The following DNAH6 variants were observed in gnomAD, a reference collection of about 807,000 sequenced individuals.
DNAH6 encodes the protein axonemal beta dynein heavy chain 6.
A neutral mutation model predicts 491.4 loss-of-function variants in DNAH6; 340 were observed. That is an observed-to-expected ratio of 0.69 (90% CI 0.63 to 0.76). DNAH6 has a LOEUF of 0.76. Among genes scored for constraint, DNAH6 ranks in the 30% least tolerant of loss-of-function variants. The pLI, the probability that DNAH6 is intolerant of heterozygous loss-of-function variation, is 0.00. For synonymous variants in DNAH6, 1,603 were observed against 1,686.1 expected (o/e 0.95, Z 1.21); for missense variants, 4,443 against 4,972.2 (o/e 0.89, Z 3.20).
intron 64 of DNAH6, 82 bp downstream of exon 64, chr2:84,763,027 G>A: frequency 9.8e-7 from 1 of 1,016,046 alleles, no homozygotes. Context: ...TCTTCCCCTT[G>A]TAGAGCATAA....
intron 20 of DNAH6, among the ~76,000 whole-genome samples, chr2:84,605,865 G>C (rs551001027): frequency 6.6e-6 from 1 of 152,134 alleles, no homozygotes; most frequent in African/African-American, 2.4e-5. Flanking sequence ...AACAGTTACA[G>C]CTGAAGTGAT....
At chr2:84,477,453 G>A in the DNAH6 span, among the ~76,000 whole-genome samples, 1 of 152,068 alleles carries the variant, frequency 6.6e-6, no homozygotes, top group Non-Finnish European at 1.5e-5. Flanking sequence ...CGTTTCTCTG[G>A]TTCACATGCC....
intron 16 of DNAH6, 75 bp from the exon 17 acceptor site, chr2:84,593,897 T>A: frequency 1.3e-6 from 1 of 766,132 alleles, no homozygotes; most frequent in Non-Finnish European, 2.1e-6. Context: ...TACCAAGAAT[T>A]ACTAATAGGA....
chr2:84,545,475 T>C (rs2104529272), intron 5 of DNAH6, among the ~76,000 whole-genome samples: 1 of 152,288 alleles, frequency 6.6e-6, no homozygotes, highest in East Asian at 1.9e-4. Context: ...ATCATACATT[T>C]GTTGCTAGGT....
At chr2:84,577,472 C>G in intron 13 of DNAH6, 64 bp downstream of exon 13, 1 of 1,168,148 alleles carries the variant, frequency 8.6e-7, no homozygotes, top group South Asian at 1.9e-5. Context: ...TTTTCTACTG[C>G]ACAAAAACCT....
In DNAH6 at chr2:84,624,402, A is replaced by G. The variant is rs1687664527; in HGVS notation, c.4197+12A>G. 1.9e-6 allele frequency: 3 copies of G among 1,549,848 alleles called. No individual in the cohort carries two copies. Among genetic ancestry groups the G allele is most frequent in the Non-Finnish European group, 2.6e-6 (3 of 1,146,316 alleles). On this transcript the variant is annotated intron_variant, in intron 27 of 76. Transcript: ENST00000389394. ...TTGTTCAATCCAAGGTAACTGTTTCATTTAAGTAAAATTATATACTTCTTT... is the reference window on the plus strand; with the variant it reads ...TTGTTCAATCCAAGGTAACTGTTTCGTTTAAGTAAAATTATATACTTCTTT...
intron 36 of DNAH6, 74 bp downstream of exon 36, chr2:84,658,548 C>T (rs1691195128): frequency 9.5e-7 from 1 of 1,054,786 alleles, no homozygotes; most frequent in Non-Finnish European, 1.3e-6. Flanking sequence ...AAAGAAATGA[C>T]TCCATTCTAA....
chr2:84,777,687 A>AC (rs1484628564), intron 64 of DNAH6: 2 of 815,094 alleles, frequency 2.5e-6, no homozygotes, highest in African/African-American at 3.3e-5. Context: ...CCAAGGACCT[A>AC]CCCATGACAG....
intron 56 of DNAH6, among the ~76,000 whole-genome samples, chr2:84,710,634 G>A (rs1337345369): frequency 2.0e-5 from 3 of 152,188 alleles, no homozygotes; most frequent in African/African-American, 7.2e-5. Flanking sequence ...TGTTAAGAGG[G>A]CTGGCCTCTG....
chr2:84,472,577 G>C, the DNAH6 span, among the ~76,000 whole-genome samples: 4 of 152,182 alleles, frequency 2.6e-5, no homozygotes, highest in East Asian at 5.8e-4. Flanking sequence ...GTTAACTCCT[G>C]TTCCTTGATG....
chr2:84,788,020 AG>A lies in DNAH6; in HGVS notation c.11239+721del, dbSNP rs570270719. Among the ~76,000 whole-genome samples, 22 of 152,318 alleles carry A rather than the reference AG, an allele frequency of 1.4e-4. No individual in the cohort carries two copies. The South Asian group carries it at 4.3e-3, about 30-fold the overall frequency. ...AGTAAGGGAAATGGAGAACAGCAGA[AG>A]GGTATCAGGTGATCTAGAGCCTAAA... On this transcript the variant is annotated intron_variant, in intron 68 of 76. Coordinates refer to ENST00000389394, the MANE Select transcript of DNAH6 (RefSeq NM_001370.2).
intron 63 of DNAH6, among the ~76,000 whole-genome samples, chr2:84,756,361 T>C (rs1165278396): frequency 6.6e-6 from 1 of 152,218 alleles, no homozygotes; most frequent in Non-Finnish European, 1.5e-5. Flanking sequence ...AATTTAAAGT[T>C]TGAGTTACTG....
chr2:84,537,731 C>T (rs1677832249), intron 4 of DNAH6, among the ~76,000 whole-genome samples: 1 of 152,028 alleles, frequency 6.6e-6, no homozygotes, highest in African/African-American at 2.4e-5. Context: ...AAAGTTCTCT[C>T]CCTAGTAGAT....
intron 59 of DNAH6, among the ~76,000 whole-genome samples, chr2:84,719,895 CACAG>C (rs1372263328): frequency 8.7e-5 from 12 of 137,218 alleles, no homozygotes; most frequent in African/African-American, 2.6e-4. Context: ...CACACACACA[CACAG>C]ACACACACAC....
intron 16 of DNAH6, among the ~76,000 whole-genome samples, chr2:84,591,455 A>T (rs1016783970): frequency 1.3e-5 from 2 of 152,282 alleles, no homozygotes; most frequent in East Asian, 1.9e-4. Context: ...AAAGAAATGA[A>T]ATAATACACA....
rs1412669968 is a variant in DNAH6, at chr2:84,624,491, G to A, written c.4224G>A (p.Trp1408Ter). Residue 1408 changes from tryptophan to a stop codon, truncating the protein, a stop_gained, in exon 28 of 77, where the codon TGG becomes TGA. Coordinates refer to ENST00000389394, the MANE Select transcript of DNAH6 (RefSeq NM_001370.2). LOFTEE classifies it high-confidence loss of function. The stretch of plus-strand genomic sequence containing the variant: ...TGGAGACAGTTGAATCTTTTGACTG[G>A]CAGAGACAACTGCGCTATTACTGGG... ...SKVETVESFD[W>*]QRQLRYYWDI... 1 of 1,551,836 alleles carries A rather than the reference G, an allele frequency of 6.4e-7. No individual in the cohort carries two copies.
chr2:84,722,905 G>C, intron 60 of DNAH6, 101 bp downstream of exon 60: 2 of 748,738 alleles, frequency 2.7e-6, no homozygotes, highest in Non-Finnish European at 4.0e-6. Flanking sequence ...TAGTTATCAG[G>C]TAAAATCTCC....
At chr2:84,584,353 A>G (rs1683331120) in intron 15 of DNAH6, 103 bp downstream of exon 15, 1 of 1,181,862 alleles carries the variant, frequency 8.5e-7, no homozygotes, top group Non-Finnish European at 1.2e-6. Flanking sequence ...TATATTTACA[A>G]TATATAATGT....
In DNAH6 at chr2:84,531,373, C is replaced by CG. The variant is rs1677163952; in HGVS notation, c.662+2209dup. 1.5e-3 allele frequency among the ~76,000 whole-genome samples: 2 copies of CG among 1,330 alleles called. 1 individual carries two copies. The highest frequency in any genetic ancestry group is 7.8e-3 in the Non-Finnish European group (2 of 258). 0.9% of individuals were successfully genotyped at this position (1,330 alleles called of 152,430 possible). A position where few individuals can be genotyped will look rare whatever the true frequency, so the allele number is the denominator to read the frequency against. On this transcript the variant is annotated intron_variant, in intron 4 of 76. Transcript: ENST00000389394. ...TTTTTTATTTTTTTTTTTTTTGAGA[C>CG]GGAGTCTCGCTCTGTCGCCCAGGCT... is the stretch of plus-strand genomic sequence containing the variant.
Sources: gnomAD v4.1 joint callset for allele counts (sites outside exome capture counted in the v4.1 genomes callset) on GRCh38, gnomAD v4.1.1 for gene constraint, MANE v1.5 for transcripts, NCBI Gene and HGNC (gene_info 2026-07-23, HGNC 2026-07-21) for gene names.